The following NUP107 variants were observed in gnomAD, a reference collection of about 807,000 sequenced individuals.
NUP107 encodes nucleoporin 107.
In NUP107, 101 loss-of-function variants were observed where a neutral mutation model predicts 141.0. The ratio of observed to expected loss-of-function variants is 0.72; its 90% CI spans 0.61 to 0.84. NUP107 has a LOEUF of 0.84. Ranked by LOEUF, NUP107 falls within the 40% of genes least tolerant of loss-of-function variation. NUP107 has a pLI of 0.00. For missense variants in NUP107, 941 were observed against 1,102.7 expected, an observed-to-expected ratio of 0.85 and a Z score of 2.08; for synonymous variants, 319 against 363.9, an observed-to-expected ratio of 0.88 and a Z score of 1.41.
chr12:68,730,863 G>A (rs1029194304), intron 20 of NUP107, among the ~76,000 whole-genome samples: 1 of 152,030 alleles, frequency 6.6e-6, no homozygotes, highest in Non-Finnish European at 1.5e-5. Context: ...CCACCTACCC[G>A]GGAGGTTGAG....
At chr12:68,687,370 G>T (rs1009911381) in intron 1 of NUP107, 115 of 947,556 alleles carry the variant, frequency 1.2e-4, no homozygotes, top group East Asian at 5.1e-4. Flanking sequence ...AGGTAGCGCG[G>T]CGTTCGAAAT....
At chr12:68,741,715 A>G (rs1265750100) in intron 26 of NUP107, 98 bp from the exon 27 acceptor site, 5 of 1,058,944 alleles carry the variant, frequency 4.7e-6, no homozygotes, top group East Asian at 4.8e-5. Flanking sequence ...AATCTTGTCT[A>G]CCAATTACAT....
chr12:68,718,157 G>C (rs1877191307), intron 12 of NUP107, among the ~76,000 whole-genome samples: 1 of 152,156 alleles, frequency 6.6e-6, no homozygotes, highest in Non-Finnish European at 1.5e-5. Context: ...TACTCCCCAT[G>C]TTGTATCAGA....
chr12:68,712,200 C>T (rs375392702), intron 10 of NUP107, among the ~76,000 whole-genome samples: 2 of 151,818 alleles, frequency 1.3e-5, no homozygotes, highest in African/African-American at 2.4e-5. Context: ...GGTCAGATTG[C>T]GGGCAGGTAC....
At chr12:68,725,655 A>T in intron 17 of NUP107, 72 bp from the exon 18 acceptor site, 1 of 749,836 alleles carries the variant, frequency 1.3e-6, no homozygotes, top group Non-Finnish European at 2.2e-6. Flanking sequence ...TAACATTTTT[A>T]GTTTAACAGT....
chr12:68,735,493 C>T (rs921537629), intron 26 of NUP107, 149 bp downstream of exon 26: 1 of 606,450 alleles, frequency 1.6e-6, no homozygotes. Context: ...ACTGAAAATA[C>T]TACCTAGGGA....
rs375698404 is a variant in NUP107 at position 68,725,717 on chromosome 12, T to G, written c.1507-10T>G. 2.5e-5 allele frequency: 36 copies of G among 1,451,432 alleles called. No individual in the cohort carries two copies. The highest frequency in any genetic ancestry group is 1.9e-6 in the Non-Finnish European group (2 of 1,057,240). The allele number at this position is 1,451,432 out of a possible 1,614,324, so 89.9% of individuals were successfully genotyped here. ...GAAGATTTATGGAAAATTAAAAACTTTTTTTTCAGAGAGTTCTGGAAGAGA... is the reference window on the plus strand; with the variant it reads ...GAAGATTTATGGAAAATTAAAAACTGTTTTTTCAGAGAGTTCTGGAAGAGA... On this transcript the variant is annotated splice_polypyrimidine_tract_variant and intron_variant, in intron 17 of 27. Coordinates refer to ENST00000229179, the MANE Select transcript of NUP107 (RefSeq NM_020401.4).
chr12:68,702,376 C>T (rs1400779969), intron 7 of NUP107, among the ~76,000 whole-genome samples: 1 of 152,096 alleles, frequency 6.6e-6, no homozygotes, highest in Non-Finnish European at 1.5e-5. Context: ...CCACCCACCT[C>T]AGCCTCCCAA....
chr12:68,728,999 T>C (rs997103562), intron 20 of NUP107, among the ~76,000 whole-genome samples: 1 of 152,186 alleles, frequency 6.6e-6, no homozygotes, highest in Admixed American at 6.5e-5. Flanking sequence ...GTATCACTAC[T>C]GGCACTTTGT....
intron 5 of NUP107, among the ~76,000 whole-genome samples, chr12:68,693,776 G>A (rs1208294602): frequency 6.6e-6 from 1 of 152,158 alleles, no homozygotes; most frequent in Non-Finnish European, 1.5e-5. Context: ...GTAAATAGCA[G>A]CCTGTTACGT....
rs1312896554 is a variant in NUP107 at position 68,713,737 on chromosome 12, A to G, written c.898A>G (p.Thr300Ala). The change falls in exon 11 of 28, where the codon ACT becomes GCT. Residue 300 changes from threonine (T) to alanine (A), a missense_variant. By Grantham distance (58) the Thr-to-Ala change is moderately conservative. Transcript: ENST00000229179. Reference protein sequence around the residue: ...FYAKSVYWENTLHTLKQRQLT... With the variant: ...FYAKSVYWENALHTLKQRQLT... ...ACTTATTATTTCTTTCAGGGAAAAT[A>G]CTCTGCATACCTTAAAACAACGGCA... 1 of 1,600,268 alleles carries G rather than the reference A, an allele frequency of 6.2e-7. No individual in the cohort carries two copies. The highest frequency in any genetic ancestry group is 8.5e-7 in the Non-Finnish European group (1 of 1,175,570).
chr12:68,725,901 G>A, intron 18 of NUP107, 105 bp downstream of exon 18: 12 of 620,234 alleles, frequency 1.9e-5, no homozygotes, highest in Non-Finnish European at 3.0e-5. Flanking sequence ...CAGTGGCTCA[G>A]TCTCAGCTCA....
chr12:68,716,239 TTCTTTC>T (rs1249044057), intron 12 of NUP107, among the ~76,000 whole-genome samples: 1 of 112,996 alleles, frequency 8.8e-6, no homozygotes, highest in African/African-American at 2.8e-5. Flanking sequence ...CTTTCTTTCT[TTCTTTC>T]TTTTTTTTTT....
chr12:68,695,691 A>G (rs879887459), intron 5 of NUP107, among the ~76,000 whole-genome samples: 1 of 152,246 alleles, frequency 6.6e-6, no homozygotes, highest in Non-Finnish European at 1.5e-5. Flanking sequence ...CTGTGGATAC[A>G]TAGTGGTGAT....
intron 5 of NUP107, among the ~76,000 whole-genome samples, chr12:68,694,160 A>C (rs188621652): frequency 6.6e-6 from 1 of 152,328 alleles, no homozygotes; most frequent in East Asian, 1.9e-4. Flanking sequence ...TTCTTGTAGT[A>C]TCTGTCAAAA....
intron 5 of NUP107, among the ~76,000 whole-genome samples, chr12:68,695,318 A>G (rs2136001323): frequency 6.6e-6 from 1 of 152,366 alleles, no homozygotes; most frequent in East Asian, 1.9e-4. Flanking sequence ...ATATTTGTAC[A>G]TGCATGTTCA....
At chr12:68,735,480 T>C in intron 26 of NUP107, 136 bp downstream of exon 26, 1 of 631,418 alleles carries the variant, frequency 1.6e-6, no homozygotes. Flanking sequence ...TGTTTTAAGC[T>C]AAACTGAAAA....
chr12:68,725,172 AAAAATT>A (rs1287450253), intron 17 of NUP107, among the ~76,000 whole-genome samples: 3 of 152,268 alleles, frequency 2.0e-5, no homozygotes, highest in Non-Finnish European at 1.5e-5. Context: ...CCAACTAAAT[AAAAATT>A]AAAATACGTT....
intron 15 of NUP107, among the ~76,000 whole-genome samples, chr12:68,721,637 C>A (rs1877353646): frequency 6.6e-6 from 1 of 152,038 alleles, no homozygotes; most frequent in African/African-American, 2.4e-5. Flanking sequence ...TTGTTGTTAA[C>A]AGTATGAAAA....
Sources: allele counts gnomAD v4.1 joint callset (sites outside exome capture counted in the v4.1 genomes callset), GRCh38; gene constraint gnomAD v4.1.1; transcripts MANE v1.5; gene names NCBI Gene and HGNC (gene_info 2026-07-23, HGNC 2026-07-21).